Variants in ESPNL observed in about 807,000 individuals in gnomAD.
ESPNL encodes espin like, also known as espin-like protein.
In ESPNL, 49 loss-of-function variants were observed where a neutral mutation model predicts 46.8. The ratio of observed to expected loss-of-function variants is 1.05; its 90% confidence interval spans 0.83 to 1.33. The LOEUF (loss-of-function observed/expected upper bound fraction) is 1.33, where lower values mean the gene tolerates loss of function less well. Ranked by LOEUF, ESPNL falls within the 40% of genes most tolerant of loss-of-function variation. The pLI is 0.00. For missense variants in ESPNL, 1,540 were observed against 1,436.6 expected, an observed-to-expected ratio of 1.07 and a Z score of -1.16; for synonymous variants, 664 against 662.1, an observed-to-expected ratio of 1.00 and a Z score of -0.04.
chr2:238,105,081 G>A (rs1297350459), intron 3 of ESPNL, among the ~76,000 whole-genome samples: 1 of 152,132 alleles, frequency 6.6e-6, no homozygotes, highest in Non-Finnish European at 1.5e-5. Flanking sequence ...GCTCCCCTGG[G>A]GCTCTCCTAG....
chr2:238,107,707 C>A, intron 3 of ESPNL, 84 bp from the exon 4 acceptor site: 1 of 1,369,104 alleles, frequency 7.3e-7, no homozygotes, highest in Non-Finnish European at 9.9e-7. Flanking sequence ...CCAGAGTCCA[C>A]TTTCACTTCT....
At position 238,127,690 on chromosome 2, in the gene ESPNL, C is replaced by G; in HGVS notation, c.1171C>G (p.Pro391Ala). The G allele has an allele frequency of 1.9e-6, 3 of 1,612,440 alleles. No individual in the cohort carries two copies. The highest frequency in any genetic ancestry group is 2.5e-6 in the Non-Finnish European group (3 of 1,179,536). ...QPLPREQMTS[P>A]APPRIITSAT... ...TCTTCCCAGGGAGCAGATGACCAGCCCGGCCCCTCCGAGGATCATCACCAG... is the reference window on the plus strand; with the variant it reads ...TCTTCCCAGGGAGCAGATGACCAGCGCGGCCCCTCCGAGGATCATCACCAG... Residue 391 changes from proline (P) to alanine (A), a missense_variant, in exon 7 of 9, where the codon CCG becomes GCG. Physicochemically the swap from Pro to Ala is conservative, Grantham distance 27. Transcript: ENST00000343063.
At chr2:238,101,702 G>T (rs1691481872) in intron 1 of ESPNL, among the ~76,000 whole-genome samples, 2 of 152,326 alleles carry the variant, frequency 1.3e-5, no homozygotes, top group South Asian at 4.1e-4. Flanking sequence ...GAGAGGGCAG[G>T]GTTGCCAGAG....
At chr2:238,110,022 G>A (rs112344286) in intron 4 of ESPNL, among the ~76,000 whole-genome samples, 1 of 146,076 alleles carries the variant, frequency 6.8e-6, no homozygotes, top group Non-Finnish European at 1.5e-5. Context: ...GATGCCACAC[G>A]TTACCGAGTG....
rs994733458 is a variant in ESPNL at position 238,127,660 on chromosome 2, C to A, written c.1141C>A (p.Gln381Lys). The A allele has an allele frequency of 3.1e-6, 5 of 1,612,420 alleles. No individual in the cohort carries two copies. Among genetic ancestry groups the A allele is most frequent in the Non-Finnish European group, 4.2e-6 (5 of 1,179,486 alleles). ...CCCGGCCTGGCCTGGCCATCCTGACCAGCCTCTTCCCAGGGAGCAGATGAC... is the reference window on the plus strand; with the variant it reads ...CCCGGCCTGGCCTGGCCATCCTGACAAGCCTCTTCCCAGGGAGCAGATGAC... ...LSPAWPGHPD[Q>K]PLPREQMTSP... is the part of the protein sequence containing the mutation. The change falls in exon 7 of 9, where the codon CAG becomes AAG. Residue 381 changes from glutamine (Q) to lysine (K), a missense_variant. Coordinates refer to ENST00000343063, the MANE Select transcript of ESPNL (RefSeq NM_194312.4).
At chr2:238,126,549 G>C (rs1692122473) in intron 6 of ESPNL, among the ~76,000 whole-genome samples, 1 of 146,848 alleles carries the variant, frequency 6.8e-6, no homozygotes, top group Non-Finnish European at 1.5e-5. Context: ...GTGCCTGTGT[G>C]TATCTGTGTG....
intron 5 of ESPNL, among the ~76,000 whole-genome samples, chr2:238,120,483 C>T (rs985509537): frequency 2.0e-5 from 3 of 152,256 alleles, no homozygotes; most frequent in Admixed American, 6.5e-5. Context: ...CAAGCAGCGC[C>T]TCTGCCTTCT....
At chr2:238,112,434 T>C (rs899182060) in intron 4 of ESPNL, among the ~76,000 whole-genome samples, 2 of 152,118 alleles carry the variant, frequency 1.3e-5, no homozygotes, top group Non-Finnish European at 2.9e-5. Context: ...TAGATGTTAG[T>C]CAGTAGTTTT....
At chr2:238,113,073 T>C (rs1691745763) in intron 4 of ESPNL, among the ~76,000 whole-genome samples, 1 of 152,254 alleles carries the variant, frequency 6.6e-6, no homozygotes, top group Non-Finnish European at 1.5e-5. Context: ...CTGGCTATTA[T>C]TCTGGATTTG....
At chr2:238,128,980 G>C (rs1018867287) in intron 8 of ESPNL, 76 bp downstream of exon 8, 4 of 1,485,246 alleles carry the variant, frequency 2.7e-6, no homozygotes, top group Non-Finnish European at 3.6e-6. Flanking sequence ...AAGTCAGGGC[G>C]CCCGAAGCCC....
At position 238,107,789 on chromosome 2, in the gene ESPNL, A is replaced by C. The variant is rs1397091953; in HGVS notation, c.673-2A>C. ...CTGCTCCCTCTGCCCCTCCTTCCCC[A>C]GGTCACATTCACCGACATCGGACTC... On this transcript the variant is annotated splice_acceptor_variant, in intron 3 of 8. Coordinates refer to ENST00000343063, the MANE Select transcript of ESPNL (RefSeq NM_194312.4). LOFTEE classifies it high-confidence loss of function. The C allele has an allele frequency of 6.3e-7, 1 of 1,581,148 alleles. No homozygotes were observed. Among genetic ancestry groups the C allele is most frequent in the Admixed American group, 1.8e-5 (1 of 55,998 alleles).
chr2:238,128,829 C>A lies in ESPNL; in HGVS notation c.1338C>A (p.Ile446=). ...VPTRDERGQP[I]PEWKRQVMVR... is the part of the protein sequence containing the mutation. ...CGCGGGATGAGCGCGGCCAGCCCAT[C>A]CCAGAGTGGAAGCGGCAGGTGATGG... Residue 446 remains isoleucine (I), a synonymous_variant, in exon 8 of 9, where the codon ATC becomes ATA. Transcript: ENST00000343063. The A allele has an allele frequency of 6.4e-7, 1 of 1,550,436 alleles. No individual in the cohort carries two copies. The highest frequency in any genetic ancestry group is 8.7e-7 in the Non-Finnish European group (1 of 1,147,546).
chr2:238,116,805 C>A (rs1375001169), intron 4 of ESPNL, 98 bp from the exon 5 acceptor site: 1 of 1,464,682 alleles, frequency 6.8e-7, no homozygotes, highest in African/African-American at 1.4e-5. Flanking sequence ...ATCAGGGCAG[C>A]CTGCGCCATG....
chr2:238,122,395 G>A (rs1283399935), intron 5 of ESPNL, among the ~76,000 whole-genome samples: 1 of 152,226 alleles, frequency 6.6e-6, no homozygotes, highest in Non-Finnish European at 1.5e-5. Context: ...CATGCCAGGT[G>A]CTCTCCATAG....
At chr2:238,102,668 A>ACCCT (rs1044774540) in intron 2 of ESPNL, among the ~76,000 whole-genome samples, 1 of 152,126 alleles carries the variant, frequency 6.6e-6, no homozygotes, top group African/African-American at 2.4e-5. Context: ...TGGATGGGCA[A>ACCCT]CGAGGAAGGA....
chr2:238,125,310 C>G lies in ESPNL; in HGVS notation c.1028C>G (p.Pro343Arg), dbSNP rs545926428. 3.2e-6 allele frequency: 5 copies of G among 1,566,784 alleles called. No individual in the cohort carries two copies. Among genetic ancestry groups the G allele is most frequent in the East Asian group, 4.8e-5 (2 of 41,928 alleles). The change falls in exon 6 of 9, where the codon CCA becomes CGA. Residue 343 changes from proline (P) to arginine (R), a missense_variant. By Grantham distance (103) the Pro-to-Arg change is moderately radical (BLOSUM62 -2). Transcript: ENST00000343063. ...LMTPPPPPFP[P>R]PPLLATRRSL... ...ACGCCCCCACCACCACCGTTCCCCC[C>G]ACCTCCACTGTTGGCCACGAGGCGC...
rs1050889319 is a variant in ESPNL at position 238,127,423 on chromosome 2, G to C, written c.1103-199G>C. 3.8e-6 allele frequency: 5 copies of C among 1,327,144 alleles called. No individual in the cohort carries two copies. The Admixed American group carries it at 1.5e-4, about 41-fold the overall frequency. The allele number at this position is 1,327,144 out of a possible 1,614,324, so 82.2% of individuals were successfully genotyped here. A position where few individuals can be genotyped will look rare whatever the true frequency, so the allele number is the denominator to read the frequency against. ...CCGCAGGCTCTCCCATCGACCAGGC[G>C]GGGGCGGGCCCCACTGACTCCCCAG... is the stretch of plus-strand genomic sequence containing the variant. On this transcript the variant is annotated intron_variant, in intron 6 of 8. Coordinates refer to ENST00000343063, the MANE Select transcript of ESPNL (RefSeq NM_194312.4).
intron 2 of ESPNL, 28 bp downstream of exon 2, chr2:238,102,159 G>T (rs1423891969): frequency 1.5e-5 from 23 of 1,497,780 alleles, no homozygotes; most frequent in Non-Finnish European, 2.1e-5. Flanking sequence ...CCGCCTGGGG[G>T]GGCAGCCTGG....
intron 6 of ESPNL, among the ~76,000 whole-genome samples, chr2:238,126,989 CTG>C (rs750979722): frequency 1.1e-4 from 14 of 126,034 alleles, no homozygotes; most frequent in African/African-American, 2.5e-4. Context: ...TTGTGTCTAT[CTG>C]TGTGTGATTG....
Sources: gnomAD v4.1 joint callset for allele counts (sites outside exome capture counted in the v4.1 genomes callset) on GRCh38, gnomAD v4.1.1 for gene constraint, MANE v1.5 for transcripts, NCBI Gene and HGNC (gene_info 2026-07-23, HGNC 2026-07-21) for gene names.